The following RETREG1 variants were observed in gnomAD, a reference collection of about 807,000 sequenced individuals.
RETREG1 encodes family with sequence similarity 134 member B.
A neutral mutation model predicts 54.8 loss-of-function variants in RETREG1; 44 were observed. The ratio of observed to expected loss-of-function variants is 0.80; its 90% CI spans 0.63 to 1.03. RETREG1 has a LOEUF of 1.03. Among genes scored for constraint, RETREG1 ranks in the 50% least tolerant of loss-of-function variants. The pLI, the probability that RETREG1 is intolerant of heterozygous loss-of-function variation, is 0.00. For missense variants in RETREG1, 554 were observed against 605.1 expected, an observed-to-expected ratio of 0.92 and a Z score of 0.89; for synonymous variants, 217 against 238.5, an observed-to-expected ratio of 0.91 and a Z score of 0.83.
In RETREG1 at chr5:16,478,110, A is replaced by G; in HGVS notation, c.809-12T>C. Reference sequence around the variant, plus strand: ...TTCTTTGTCTGCTTCTGTTGAGGAAAAAATTTGGAAGCTTTCAGTTTCCTA... The same window carrying G: ...TTCTTTGTCTGCTTCTGTTGAGGAAGAAATTTGGAAGCTTTCAGTTTCCTA... On this transcript the variant is annotated splice_polypyrimidine_tract_variant and intron_variant, in intron 6 of 8. Coordinates refer to ENST00000306320, the MANE Select transcript of RETREG1 (RefSeq NM_001034850.3). 6.2e-7 allele frequency: 1 copy of G among 1,602,760 alleles called. No individual in the cohort carries two copies. The highest frequency in any genetic ancestry group is 8.5e-7 in the Non-Finnish European group (1 of 1,170,668).
At chr5:16,520,314 G>GTGT (rs1740489569) in intron 3 of RETREG1, among the ~76,000 whole-genome samples, 3 of 131,598 alleles carry the variant, frequency 2.3e-5, no homozygotes, top group African/African-American at 5.8e-5. Context: ...TGGGGGTTTT[G>GTGT]TGGTTTTTTT....
chr5:16,578,064 G>GTT (rs1161699364), intron 1 of RETREG1, among the ~76,000 whole-genome samples: 1 of 152,048 alleles, frequency 6.6e-6, no homozygotes, highest in Non-Finnish European at 1.5e-5. Flanking sequence ...TATTTGACGT[G>GTT]TTTCAGTCAC....
intron 2 of RETREG1, among the ~76,000 whole-genome samples, chr5:16,569,476 A>C (rs1425200687): frequency 6.6e-6 from 1 of 152,052 alleles, no homozygotes; most frequent in African/African-American, 2.4e-5. Flanking sequence ...CTCAGCACAG[A>C]AAGGGGCTCA....
intron 3 of RETREG1, among the ~76,000 whole-genome samples, chr5:16,499,470 T>C (rs1739611779): frequency 6.6e-6 from 1 of 152,176 alleles, no homozygotes; most frequent in Non-Finnish European, 1.5e-5. Context: ...TTATGTAAAA[T>C]AGAGTTTATA....
chr5:16,548,477 T>C (rs1359787318), intron 3 of RETREG1, among the ~76,000 whole-genome samples: 1 of 152,192 alleles, frequency 6.6e-6, no homozygotes, highest in Non-Finnish European at 1.5e-5. Flanking sequence ...TGAACCCCAG[T>C]TGATCCACAG....
intron 3 of RETREG1, among the ~76,000 whole-genome samples, chr5:16,531,779 C>T (rs115405526): frequency 1.7e-3 from 261 of 152,322 alleles, no homozygotes; most frequent in African/African-American, 5.8e-3. Context: ...GCTCACCAAG[C>T]ATCAAACAGG....
At chr5:16,592,415 A>G (rs1742800617) in intron 1 of RETREG1, among the ~76,000 whole-genome samples, 1 of 152,216 alleles carries the variant, frequency 6.6e-6, no homozygotes, top group Non-Finnish European at 1.5e-5. Flanking sequence ...TGCTGGCACG[A>G]TCGCAGAGAA....
intron 3 of RETREG1, among the ~76,000 whole-genome samples, chr5:16,532,330 G>A (rs1449314873): frequency 1.3e-5 from 2 of 152,130 alleles, no homozygotes; most frequent in Non-Finnish European, 2.9e-5. Flanking sequence ...TTCGAGACCA[G>A]CCTGACCAAC....
intron 3 of RETREG1, among the ~76,000 whole-genome samples, chr5:16,518,157 TTATA>T (rs1369447899): frequency 1.4e-5 from 2 of 148,132 alleles, no homozygotes; most frequent in African/African-American, 4.9e-5. Context: ...ATATATGTAT[TTATA>T]TATAATCAAT....
intron 1 of RETREG1, among the ~76,000 whole-genome samples, chr5:16,615,412 AAAAGAAAG>A (rs1236749186): frequency 1.3e-5 from 2 of 150,112 alleles, no homozygotes; most frequent in Admixed American, 6.6e-5. Flanking sequence ...AAAAAAAAAA[AAAAGAAAG>A]AAAGAAAGAA....
rs1458501101 is a variant in RETREG1 at position 16,481,087 on chromosome 5, G to A, written c.592C>T (p.Leu198Phe). 1 of 1,609,628 alleles carries A rather than the reference G, an allele frequency of 6.2e-7. No individual in the cohort carries two copies. Among genetic ancestry groups the A allele is most frequent in the Non-Finnish European group, 8.5e-7 (1 of 1,176,648 alleles). ...FKQQSPGKFCLLVCSVCTFFT... is the reference protein window; with the variant it reads ...FKQQSPGKFCFLVCSVCTFFT... The stretch of plus-strand genomic sequence containing the variant: ...AATGTGCACACACTACAGACCAGGA[G>A]ACAAAACTGGAAATAATAGAAATAA... Residue 198 changes from leucine (L) to phenylalanine (F), a missense_variant, in exon 5 of 9, where the codon CTC (leucine) becomes TTC (phenylalanine). Leu to Phe is a conservative substitution (Grantham distance 22). Transcript: ENST00000306320.
intron 3 of RETREG1, among the ~76,000 whole-genome samples, chr5:16,549,087 C>T (rs555556893): frequency 3.9e-5 from 6 of 152,168 alleles, no homozygotes; most frequent in Admixed American, 6.5e-5. Context: ...CAGAGAAGAG[C>T]TTTTTTTCTA....
At chr5:16,581,202 G>A (rs746021376) in intron 1 of RETREG1, among the ~76,000 whole-genome samples, 7 of 152,146 alleles carry the variant, frequency 4.6e-5, no homozygotes, top group Non-Finnish European at 4.4e-5. Context: ...ACCCTTTCTC[G>A]GGAATGGGGA....
intron 1 of RETREG1, among the ~76,000 whole-genome samples, chr5:16,578,182 T>C (rs529246409): frequency 2.6e-5 from 4 of 152,258 alleles, no homozygotes; most frequent in East Asian, 3.9e-4. Context: ...TTCAAAGGGA[T>C]ATAGAAAATA....
At position 16,483,488 on chromosome 5, in the gene RETREG1, G is replaced by GA. The variant is rs754407335; in HGVS notation, c.459-17dup. ...AACTTCCCAGCTAAAGAGACAAAAA[G>GA]AAAAAAAATACTACTGAACTTTGGA... On this transcript the variant is annotated splice_polypyrimidine_tract_variant and intron_variant, in intron 3 of 8. Transcript: ENST00000306320. 35 of 1,610,920 alleles carry GA rather than the reference G, an allele frequency of 2.2e-5. No individual in the cohort carries two copies. Among genetic ancestry groups the GA allele is most frequent in the Middle Eastern group, 1.6e-4 (1 of 6,074 alleles).
At chr5:16,579,281 C>T (rs1232604484) in intron 1 of RETREG1, among the ~76,000 whole-genome samples, 1 of 152,126 alleles carries the variant, frequency 6.6e-6, no homozygotes, top group Non-Finnish European at 1.5e-5. Context: ...TACAGAAGAG[C>T]AAAGAGGCTC....
intron 3 of RETREG1, among the ~76,000 whole-genome samples, chr5:16,504,624 G>T (rs893270766): frequency 3.4e-4 from 52 of 152,154 alleles, no homozygotes; most frequent in African/African-American, 1.2e-3. Flanking sequence ...AAACACACCC[G>T]GGGTATCGCC....
At position 16,574,510 on chromosome 5, in the gene RETREG1, G is replaced by A. The variant is rs183718673; in HGVS notation, c.321-2408C>T. 1.8e-4 allele frequency among the ~76,000 whole-genome samples: 27 copies of A among 152,278 alleles called. No homozygotes were observed. In the East Asian group the frequency reaches 5.2e-3, roughly 29 times the overall value. ...TCAACATGAGATGCTGGGTGACGTG[G>A]TGGGTAGAGCCCTCCACCAGAAGGT... On this transcript the variant is annotated intron_variant, in intron 1 of 8. Transcript: ENST00000306320.
Position 16,616,883 on chromosome 5 carries a change from G to A in RETREG1, c.89C>T (p.Pro30Leu), listed in dbSNP as rs1743533488. The A allele has an allele frequency of 2.0e-6, 3 of 1,485,708 alleles. No individual in the cohort carries two copies. Among genetic ancestry groups the A allele is most frequent in the South Asian group, 2.5e-5 (2 of 78,976 alleles). The allele number at this position is 1,485,708 out of a possible 1,614,324, so 92.0% of individuals were successfully genotyped here. Reference protein sequence around the residue: ...EEQAPPSPPPPQASPAERQQQ... With the variant: ...EEQAPPSPPPLQASPAERQQQ... ...CTGCCGCTCTGCGGGGGATGCCTGGGGCGGTGGCGGCGACGGCGGCGCCTG... is the reference window on the plus strand; with the variant it reads ...CTGCCGCTCTGCGGGGGATGCCTGGAGCGGTGGCGGCGACGGCGGCGCCTG... The change falls in exon 1 of 9, where the codon CCC (proline) becomes CTC (leucine). Residue 30 changes from proline to leucine, a missense_variant. By Grantham distance (98) the Pro-to-Leu change is moderately conservative. This residue lies in a region of RETREG1 where 175 missense variants were observed against 142.1 expected (regional missense o/e 1.23). Transcript: ENST00000306320.
Sources: gnomAD v4.1 joint callset for allele counts (sites outside exome capture counted in the v4.1 genomes callset) on GRCh38, gnomAD v4.1.1 for gene constraint, gnomAD v4.1.1 regional missense constraint, MANE v1.5 for transcripts, NCBI Gene and HGNC (gene_info 2026-07-23, HGNC 2026-07-21) for gene names.